DLGAP2: variants seen among roughly 807,000 people sequenced by gnomAD.
The protein encoded by DLGAP2 is disks large-associated protein 2.
DLGAP2 carries 26 observed loss-of-function variants against 100.3 expected under a neutral mutation model. The ratio of observed to expected loss-of-function variants is 0.26; its 90% confidence interval spans 0.19 to 0.36. The LOEUF is 0.36. Among genes scored for constraint, DLGAP2 ranks in the 10% least tolerant of loss-of-function variants. DLGAP2 has a pLI of 1.00. For missense variants in DLGAP2, 1,858 were observed against 1,453.2 expected, an observed-to-expected ratio of 1.28 and a Z score of -4.53; for synonymous variants, 886 against 630.1, an observed-to-expected ratio of 1.41 and a Z score of -6.08.
chr8:1,080,373 C>G (rs916307685), intron 2 of DLGAP2, among the ~76,000 whole-genome samples: 1 of 152,212 alleles, frequency 6.6e-6, no homozygotes, highest in African/African-American at 2.4e-5. Context: ...CTCTTTAGTG[C>G]CCTCACAGAG....
intron 2 of DLGAP2, among the ~76,000 whole-genome samples, chr8:987,211 C>T (rs1439488270): frequency 1.3e-5 from 2 of 152,104 alleles, no homozygotes; most frequent in Non-Finnish European, 2.9e-5. Context: ...GTGCCAGGTG[C>T]CCTGGCCGGG....
chr8:1,440,327 G>T (rs567489705), intron 3 of DLGAP2, among the ~76,000 whole-genome samples: 4 of 152,178 alleles, frequency 2.6e-5, no homozygotes, highest in Admixed American at 6.5e-5. Flanking sequence ...ATGGACTCAC[G>T]TGGGAAATGG....
chr8:933,059 C>T (rs917851114), intron 2 of DLGAP2, among the ~76,000 whole-genome samples: 5 of 152,226 alleles, frequency 3.3e-5, no homozygotes, highest in African/African-American at 4.8e-5. Context: ...CCTATGGACT[C>T]GTCTATAAGC....
chr8:1,037,575 T>G (rs1435124630), intron 2 of DLGAP2, among the ~76,000 whole-genome samples: 1 of 152,224 alleles, frequency 6.6e-6, no homozygotes, highest in African/African-American at 2.4e-5. Flanking sequence ...CTGCACTTTA[T>G]CCTCTAAGGG....
chr8:1,701,492 C>G lies in DLGAP2; in HGVS notation c.*86C>G. The G allele has an allele frequency of 2.2e-6, 3 of 1,352,180 alleles. No individual in the cohort carries two copies. The highest frequency in any genetic ancestry group is 3.0e-6 in the Non-Finnish European group (3 of 1,004,328). 83.8% of individuals were successfully genotyped at this position (1,352,180 alleles called of 1,614,324 possible). On this transcript the variant is annotated 3_prime_UTR_variant, in exon 15 of 15. Transcript: ENST00000637795. ...GCGCCGCCCTGGTGGTTTCTGTCTC[C>G]TCCTCCCGCTGAACACGTCCTCGCT...
At chr8:880,669 G>T (rs542020409) in intron 1 of DLGAP2, among the ~76,000 whole-genome samples, 3 of 151,094 alleles carry the variant, frequency 2.0e-5, no homozygotes, top group Non-Finnish European at 3.0e-5. Context: ...TTTATAGGTG[G>T]GTCGGGGTGA....
At chr8:774,497 CT>C (rs1471004789) in intron 1 of DLGAP2, among the ~76,000 whole-genome samples, 1 of 151,620 alleles carries the variant, frequency 6.6e-6, no homozygotes, top group Non-Finnish European at 1.5e-5. Flanking sequence ...ACGTTTAAGT[CT>C]TTAATCCATC....
chr8:1,581,384 C>A (rs189019957), intron 6 of DLGAP2, among the ~76,000 whole-genome samples: 1 of 151,174 alleles, frequency 6.6e-6, no homozygotes, highest in African/African-American at 2.4e-5. Context: ...GTCAAACTAC[C>A]AGAAGTGAAG....
At chr8:1,161,740 C>T (rs953919449) in intron 2 of DLGAP2, among the ~76,000 whole-genome samples, 1 of 152,060 alleles carries the variant, frequency 6.6e-6, no homozygotes, top group South Asian at 2.1e-4. Flanking sequence ...GTGGAGCCGT[C>T]CTGTGTAGAT....
intron 5 of DLGAP2, among the ~76,000 whole-genome samples, chr8:1,551,360 G>T (rs911255066): frequency 2.0e-5 from 3 of 152,118 alleles, no homozygotes; most frequent in African/African-American, 7.2e-5. Flanking sequence ...GGTGTGGATA[G>T]TCAGTGTTCC....
At chr8:1,012,501 T>C (rs1801320395) in intron 2 of DLGAP2, among the ~76,000 whole-genome samples, 2 of 144,692 alleles carry the variant, frequency 1.4e-5, no homozygotes, top group African/African-American at 2.6e-5. Context: ...AGCCCCCCAC[T>C]TCAGCGGCAG....
chr8:1,380,424 C>A (rs946046641), intron 3 of DLGAP2: 10 of 152,282 alleles, frequency 6.6e-5, no homozygotes, highest in Admixed American at 2.6e-4. Flanking sequence ...TTGAGTTGAA[C>A]TAAGGAGACT....
At chr8:1,162,231 GTTATTCAT>G (rs1796907221) in intron 2 of DLGAP2, among the ~76,000 whole-genome samples, 1 of 152,204 alleles carries the variant, frequency 6.6e-6, no homozygotes, top group Admixed American at 6.5e-5. Flanking sequence ...GGAGAGTGTC[GTTATTCAT>G]TTATTCATTT....
intron 2 of DLGAP2, among the ~76,000 whole-genome samples, chr8:1,228,784 C>G (rs1034465300): frequency 6.6e-6 from 1 of 152,176 alleles, no homozygotes; most frequent in Non-Finnish European, 1.5e-5. Context: ...AATCCTCCAT[C>G]TTAAAATAAC....
chr8:1,596,991 G>C (rs938591112), intron 6 of DLGAP2, among the ~76,000 whole-genome samples: 6 of 152,062 alleles, frequency 3.9e-5, no homozygotes, highest in Non-Finnish European at 8.8e-5. Context: ...GCTTTTTATG[G>C]TTTTAGGTCT....
chr8:1,598,116 G>C (rs1796515815), intron 6 of DLGAP2, among the ~76,000 whole-genome samples: 1 of 152,194 alleles, frequency 6.6e-6, no homozygotes, highest in South Asian at 2.1e-4. Flanking sequence ...CATCTGTTGA[G>C]ATAATCATGT....
chr8:812,376 G>C (rs1347732796), intron 1 of DLGAP2, among the ~76,000 whole-genome samples: 1 of 152,196 alleles, frequency 6.6e-6, no homozygotes, highest in Admixed American at 6.5e-5. Context: ...TCTGCGGGAA[G>C]TCCCTGCCTC....
intron 6 of DLGAP2, among the ~76,000 whole-genome samples, chr8:1,568,512 G>A (rs575115543): frequency 1.4e-5 from 2 of 142,462 alleles, no homozygotes; most frequent in South Asian, 2.3e-4. Context: ...CCATGCCACT[G>A]TCCACTCAGC....
At chr8:1,684,262 C>T (rs1799055018) in intron 12 of DLGAP2, among the ~76,000 whole-genome samples, 1 of 151,800 alleles carries the variant, frequency 6.6e-6, no homozygotes, top group Non-Finnish European at 1.5e-5. Flanking sequence ...GCCCAGATAC[C>T]TTCATCTTTT....
Sources: allele counts gnomAD v4.1 joint callset (sites outside exome capture counted in the v4.1 genomes callset), GRCh38; gene constraint gnomAD v4.1.1; transcripts MANE v1.5; gene names NCBI Gene and HGNC (gene_info 2026-07-23, HGNC 2026-07-21).